The following WDR25 variants were observed in gnomAD, a reference collection of about 807,000 sequenced individuals.
WDR25 encodes the protein WD repeat-containing protein 25.
Under a neutral mutation model 47.7 loss-of-function variants are expected in WDR25, and 35 were observed. That is an observed-to-expected ratio of 0.73 (90% CI 0.56 to 0.97). The LOEUF is 0.97. Among genes scored for constraint, WDR25 ranks in the 50% least tolerant of loss-of-function variants. The pLI is 0.00. For synonymous variants in WDR25, 248 were observed against 278.9 expected, an observed-to-expected ratio of 0.89 and a Z score of 1.10; for missense variants, 634 against 704.7, an observed-to-expected ratio of 0.90 and a Z score of 1.14.
chr14:100,466,649 G>A (rs1899638045), intron 2 of WDR25, among the ~76,000 whole-genome samples: 1 of 152,198 alleles, frequency 6.6e-6, no homozygotes, highest in African/African-American at 2.4e-5. Context: ...GCCCAGAGAG[G>A]CAAAGCCACT....
At chr14:100,431,346 G>A (rs774755410) in intron 2 of WDR25, among the ~76,000 whole-genome samples, 7 of 152,000 alleles carry the variant, frequency 4.6e-5, no homozygotes, top group Admixed American at 6.5e-5. Flanking sequence ...TTGGTTTTTC[G>A]TTTGATTTTG....
chr14:100,379,866 C>G (rs1436436130), intron 1 of WDR25, among the ~76,000 whole-genome samples: 1 of 151,750 alleles, frequency 6.6e-6, no homozygotes, highest in African/African-American at 2.4e-5. Flanking sequence ...TTCAGCCTCC[C>G]GAGTAGCTGG....
At chr14:100,446,788 T>C (rs971932566) in intron 2 of WDR25, among the ~76,000 whole-genome samples, 1 of 152,148 alleles carries the variant, frequency 6.6e-6, no homozygotes, top group African/African-American at 2.4e-5. Flanking sequence ...CAGGTGTCGC[T>C]GGTCACTCCT....
At chr14:100,379,534 C>A (rs1311782127) in intron 1 of WDR25, among the ~76,000 whole-genome samples, 1 of 151,650 alleles carries the variant, frequency 6.6e-6, no homozygotes, top group African/African-American at 2.4e-5. Flanking sequence ...ACTACAGGCG[C>A]CTGCCACCAT....
chr14:100,429,543 C>T lies in WDR25; in HGVS notation c.823-38478C>T, dbSNP rs139821938. Reference sequence around the variant, plus strand: ...GTCCTATACATACAGCTTCTGAGAACGTCAGAAAATCAAGGATTCAACCCC... The same window carrying T: ...GTCCTATACATACAGCTTCTGAGAATGTCAGAAAATCAAGGATTCAACCCC... On this transcript the variant is annotated intron_variant, in intron 2 of 6. Coordinates refer to ENST00000402312, the MANE Select transcript of WDR25 (RefSeq NM_001161476.3). 3.4e-4 allele frequency among the ~76,000 whole-genome samples: 52 copies of T among 152,228 alleles called. 1 individual carries two copies. In the East Asian group the frequency reaches 7.5e-3, roughly 22 times the overall value.
chr14:100,472,273 G>A (rs905652488), intron 3 of WDR25, among the ~76,000 whole-genome samples: 8 of 152,360 alleles, frequency 5.3e-5, no homozygotes, highest in South Asian at 4.1e-4. Flanking sequence ...CCTGATGTGC[G>A]CTGGCTCCTC....
chr14:100,454,758 G>T (rs1005341801), intron 2 of WDR25: 13 of 304,294 alleles, frequency 4.3e-5, no homozygotes, highest in African/African-American at 1.5e-4. Flanking sequence ...AGAGTTTGGG[G>T]TAACCACAGC....
chr14:100,524,146 TC>T (rs2029995536), intron 4 of WDR25, among the ~76,000 whole-genome samples: 1 of 152,106 alleles, frequency 6.6e-6, no homozygotes, highest in South Asian at 2.1e-4. Context: ...GTTTTGGTTC[TC>T]CTCAAAAAGT....
intron 2 of WDR25, among the ~76,000 whole-genome samples, chr14:100,459,939 T>TATATATATACAC (rs1491515673): frequency 1.2e-5 from 1 of 84,910 alleles, no homozygotes; most frequent in Non-Finnish European, 2.3e-5. Flanking sequence ...TATATATATA[T>TATATATATACAC]ACACATACAC....
chr14:100,503,058 C>T (rs199630289), intron 4 of WDR25, among the ~76,000 whole-genome samples: 46 of 146,744 alleles, frequency 3.1e-4, no homozygotes, highest in African/African-American at 5.0e-4. Context: ...TGTGTGTGTG[C>T]GTGTGTGTGT....
intron 2 of WDR25, among the ~76,000 whole-genome samples, chr14:100,423,540 T>C (rs2140216984): frequency 6.6e-6 from 1 of 152,320 alleles, no homozygotes; most frequent in African/African-American, 2.4e-5. Flanking sequence ...TTCAAAATGT[T>C]CGGTTATTAT....
chr14:100,479,671 T>G (rs531583803), intron 3 of WDR25, among the ~76,000 whole-genome samples: 1 of 152,208 alleles, frequency 6.6e-6, no homozygotes, highest in Non-Finnish European at 1.5e-5. Flanking sequence ...TCATTTCATT[T>G]CAGTGAATCT....
chr14:100,398,195 C>A (rs943613828), intron 2 of WDR25, among the ~76,000 whole-genome samples: 2 of 152,160 alleles, frequency 1.3e-5, no homozygotes, highest in East Asian at 3.9e-4. Context: ...ACATGCTCTT[C>A]GAAGTGCATT....
intron 3 of WDR25, among the ~76,000 whole-genome samples, chr14:100,475,143 G>A (rs1026660121): frequency 1.3e-5 from 2 of 152,252 alleles, no homozygotes; most frequent in African/African-American, 4.8e-5. Flanking sequence ...ATGATAGCAA[G>A]TATTGGTGAG....
intron 4 of WDR25, among the ~76,000 whole-genome samples, chr14:100,515,789 C>CTTTT (rs11301950): frequency 5.4e-5 from 6 of 110,288 alleles, no homozygotes; most frequent in Admixed American, 1.0e-4. Flanking sequence ...CCACACCTTG[C>CTTTT]TTTTTTTTTT....
At chr14:100,490,143 G>A (rs1001006884) in intron 4 of WDR25, among the ~76,000 whole-genome samples, 1 of 152,180 alleles carries the variant, frequency 6.6e-6, no homozygotes, top group Non-Finnish European at 1.5e-5. Flanking sequence ...GCCTGTGTGG[G>A]CCCTCAGCTC....
intron 4 of WDR25, chr14:100,504,604 A>C (rs1901050720): frequency 6.6e-6 from 1 of 152,170 alleles, no homozygotes; most frequent in Non-Finnish European, 1.5e-5. Context: ...GACATACCGC[A>C]GTTTGTTTAT....
intron 2 of WDR25, among the ~76,000 whole-genome samples, chr14:100,395,541 T>C (rs73361405): frequency 0.023 from 3,483 of 152,300 alleles, 144 homozygotes; most frequent in African/African-American, 0.08. Context: ...AACTCACCTT[T>C]GCTGCCTCTG....
chr14:100,386,312 G>A (rs1487817367), intron 2 of WDR25, among the ~76,000 whole-genome samples: 3 of 152,196 alleles, frequency 2.0e-5, no homozygotes, highest in Non-Finnish European at 4.4e-5. Flanking sequence ...CTGGTCGGGG[G>A]CCCTACATTC....
Sources: allele counts gnomAD v4.1 joint callset (sites outside exome capture counted in the v4.1 genomes callset), GRCh38; gene constraint gnomAD v4.1.1; transcripts MANE v1.5; gene names NCBI Gene and HGNC (gene_info 2026-07-23, HGNC 2026-07-21).